ATP8B4: variants seen among roughly 807,000 people sequenced by gnomAD.
The protein encoded by ATP8B4 is ATPase phospholipid transporting 8B4 (putative).
Under a neutral mutation model 145.6 loss-of-function variants are expected in ATP8B4, and 133 were observed. That is an observed-to-expected ratio of 0.91 (90% CI 0.79 to 1.05). The LOEUF is 1.05. Ranked by LOEUF, ATP8B4 falls within the 50% of genes least tolerant of loss-of-function variation. The pLI, the probability that ATP8B4 is intolerant of heterozygous loss-of-function variation, is 0.00. For synonymous variants in ATP8B4, 507 were observed against 492.9 expected (o/e 1.03, Z -0.38); for missense variants, 1,458 against 1,425.2 (o/e 1.02, Z -0.37).
chr15:50,176,383 G>A (rs915048706), intron 1 of ATP8B4, among the ~76,000 whole-genome samples: 2 of 152,152 alleles, frequency 1.3e-5, no homozygotes, highest in Non-Finnish European at 2.9e-5. Flanking sequence ...TAGAAGGAGG[G>A]CAAGGGATAA....
chr15:49,983,280 G>A (rs1213545343), intron 10 of ATP8B4, among the ~76,000 whole-genome samples: 1 of 152,118 alleles, frequency 6.6e-6, no homozygotes, highest in Non-Finnish European at 1.5e-5. Context: ...GGCCTCTCAA[G>A]TGGCCCTTGT....
chr15:50,152,626 G>T (rs1269276991), intron 1 of ATP8B4, among the ~76,000 whole-genome samples: 2 of 152,004 alleles, frequency 1.3e-5, no homozygotes, highest in African/African-American at 4.8e-5. Context: ...TTTTAATCCT[G>T]GGAAAGTCTG....
chr15:49,860,760 A>G (rs1476324143), intron 27 of ATP8B4, among the ~76,000 whole-genome samples: 2 of 152,200 alleles, frequency 1.3e-5, no homozygotes, highest in Non-Finnish European at 2.9e-5. Flanking sequence ...ATACATTTGT[A>G]TAGAAAGATT....
At chr15:49,892,389 G>T (rs79369370) in intron 23 of ATP8B4, among the ~76,000 whole-genome samples, 1 of 152,106 alleles carries the variant, frequency 6.6e-6, no homozygotes, top group Non-Finnish European at 1.5e-5. Context: ...AAGTTTAAAC[G>T]TAAACCCTTA....
At position 50,034,819 on chromosome 15, in the gene ATP8B4, C is replaced by T. The variant is rs559134804; in HGVS notation, c.362+3949G>A. On this transcript the variant is annotated intron_variant, in intron 6 of 27. Transcript: ENST00000284509. ...ACTTTCAGGATCCCTCTCATTTGCC[C>T]TTCACCTGCCCAGTTGCTCCCACGG... Among the ~76,000 whole-genome samples the T allele has an allele frequency of 5.3e-5, 8 of 152,176 alleles. No individual in the cohort carries two copies. The South Asian group carries it at 1.7e-3, about 32-fold the overall frequency.
chr15:50,159,111 AC>A (rs972537138), intron 1 of ATP8B4, among the ~76,000 whole-genome samples: 1 of 152,136 alleles, frequency 6.6e-6, no homozygotes, highest in African/African-American at 2.4e-5. Flanking sequence ...TAAAAAAAAA[AC>A]ATATTTATTC....
rs2052135314 is a variant in ATP8B4 at position 50,050,931 on chromosome 15, T to C, written c.88-3467A>G. 3.9e-5 allele frequency among the ~76,000 whole-genome samples: 6 copies of C among 152,256 alleles called. No homozygotes were observed. The South Asian group carries it at 1.2e-3, about 32-fold the overall frequency. On this transcript the variant is annotated intron_variant, in intron 3 of 27. Transcript: ENST00000284509. ...ATGAGGTTAGTTTGGGGTAACTTGT[T>C]TTAGGTGAACCTACACTGGCTCCTA...
At chr15:50,004,383 C>A (rs762521241) in intron 7 of ATP8B4, among the ~76,000 whole-genome samples, 2 of 152,134 alleles carry the variant, frequency 1.3e-5, no homozygotes, top group African/African-American at 2.4e-5. Flanking sequence ...CCTTGTCACC[C>A]GTTTGCCAGA....
chr15:50,161,854 T>C (rs558775064), intron 1 of ATP8B4, among the ~76,000 whole-genome samples: 133 of 152,308 alleles, frequency 8.7e-4, no homozygotes, highest in African/African-American at 3.1e-3. Context: ...TATCAGTGAG[T>C]TTTGTACCGT....
chr15:50,073,017 T>TATATATATATAC (rs2053939455), intron 3 of ATP8B4, among the ~76,000 whole-genome samples: 2 of 31,640 alleles, frequency 6.3e-5, no homozygotes, highest in African/African-American at 3.0e-4. Flanking sequence ...TATATATATA[T>TATATATATATAC]ATACACACAC....
chr15:50,171,346 T>G (rs1431288772), intron 1 of ATP8B4, among the ~76,000 whole-genome samples: 1 of 152,194 alleles, frequency 6.6e-6, no homozygotes, highest in Non-Finnish European at 1.5e-5. Flanking sequence ...ATTGAAATTA[T>G]ATCAAGCACT....
At chr15:49,871,685 G>A (rs1366697953) in intron 25 of ATP8B4, among the ~76,000 whole-genome samples, 1 of 152,110 alleles carries the variant, frequency 6.6e-6, no homozygotes, top group East Asian at 1.9e-4. Context: ...ATATCCCTTT[G>A]CCCCTGTATT....
intron 5 of ATP8B4, among the ~76,000 whole-genome samples, chr15:50,039,230 T>C (rs867224818): frequency 1.3e-5 from 2 of 152,380 alleles, no homozygotes; most frequent in Middle Eastern, 6.8e-3. Flanking sequence ...CATCATTCTT[T>C]CTGTTTTATG....
intron 8 of ATP8B4, among the ~76,000 whole-genome samples, chr15:50,000,573 A>C (rs555649644): frequency 3.4e-4 from 51 of 152,056 alleles, no homozygotes; most frequent in Non-Finnish European, 6.5e-4. Flanking sequence ...GAGTTTTAAG[A>C]AGTTTTTTTA....
intron 1 of ATP8B4, among the ~76,000 whole-genome samples, chr15:50,171,474 T>C (rs1279477370): frequency 6.6e-6 from 1 of 152,126 alleles, no homozygotes; most frequent in Non-Finnish European, 1.5e-5. Context: ...AAAAACGAAA[T>C]CAAGATGGAA....
intron 12 of ATP8B4, among the ~76,000 whole-genome samples, chr15:49,974,092 T>G (rs1240371806): frequency 6.6e-6 from 1 of 150,778 alleles, no homozygotes; most frequent in Non-Finnish European, 1.5e-5. Context: ...TTTTTTTTTT[T>G]TTTTTTTGAG....
intron 1 of ATP8B4, among the ~76,000 whole-genome samples, chr15:50,129,269 A>G (rs2057328595): frequency 6.6e-6 from 1 of 152,182 alleles, no homozygotes; most frequent in Admixed American, 6.5e-5. Context: ...AAGTACCACA[A>G]GCTGGGTGGC....
intron 13 of ATP8B4, among the ~76,000 whole-genome samples, chr15:49,969,980 T>C (rs1342298307): frequency 6.6e-6 from 1 of 152,182 alleles, no homozygotes. Flanking sequence ...TGCAAACCAA[T>C]AAATATAATC....
chr15:50,128,385 G>T (rs554425377), intron 1 of ATP8B4, among the ~76,000 whole-genome samples: 1 of 152,346 alleles, frequency 6.6e-6, no homozygotes, highest in East Asian at 1.9e-4. Context: ...GAGCAGTATG[G>T]AACACTGGAG....
Sources: gnomAD v4.1 joint callset for allele counts (sites outside exome capture counted in the v4.1 genomes callset) on GRCh38, gnomAD v4.1.1 for gene constraint, MANE v1.5 for transcripts, NCBI Gene and HGNC (gene_info 2026-07-23, HGNC 2026-07-21) for gene names.